Variants in UBR1 observed in about 807,000 individuals in gnomAD.
UBR1 encodes the protein ubiquitin protein ligase E3 component n-recognin 1, also known as E3 ubiquitin-protein ligase UBR1.
Under a neutral mutation model 242.1 loss-of-function variants are expected in UBR1, and 102 were observed. The ratio of observed to expected loss-of-function variants is 0.42; its 90% CI spans 0.36 to 0.50. The LOEUF (loss-of-function observed/expected upper bound fraction) is 0.50. Ranked by LOEUF, UBR1 falls within the 20% of genes least tolerant of loss-of-function variation. The probability of loss-of-function intolerance (pLI) is 0.01; values close to 1 mark genes in which losing one functional copy is unlikely to be tolerated. For synonymous variants in UBR1, 675 were observed against 684.8 expected (o/e 0.99, Z 0.22); for missense variants, 1,772 against 2,101.8 (o/e 0.84, Z 3.07).
At chr15:43,010,630 TG>T (rs1285551414) in intron 29 of UBR1, among the ~76,000 whole-genome samples, 2 of 152,006 alleles carry the variant, frequency 1.3e-5, no homozygotes, top group African/African-American at 4.8e-5. Context: ...GGTGCTCAAA[TG>T]GAACTTTAGC....
At chr15:43,070,749 C>T in intron 5 of UBR1, 46 bp downstream of exon 5, 2 of 1,608,700 alleles carry the variant, frequency 1.2e-6, no homozygotes, top group Non-Finnish European at 1.7e-6. Flanking sequence ...TTTTGCAATA[C>T]AAATAACCAT....
intron 20 of UBR1, among the ~76,000 whole-genome samples, chr15:43,031,457 A>G (rs1448162325): frequency 6.6e-6 from 1 of 152,246 alleles, no homozygotes; most frequent in Non-Finnish European, 1.5e-5. Flanking sequence ...AATCTTTTAC[A>G]CATTCTTAAT....
intron 25 of UBR1, 140 bp from the exon 26 acceptor site, chr15:43,022,941 C>G: frequency 1.8e-6 from 1 of 546,768 alleles, no homozygotes. Flanking sequence ...TAGCTTACTG[C>G]AGCCTTAAGC....
intron 27 of UBR1, 46 bp from the exon 28 acceptor site, chr15:43,017,227 G>T: frequency 7.6e-7 from 1 of 1,321,950 alleles, no homozygotes. Flanking sequence ...TAGACTGTTA[G>T]ACCGACCAGG....
chr15:43,052,854 G>T (rs543509641), intron 12 of UBR1, among the ~76,000 whole-genome samples: 1 of 152,282 alleles, frequency 6.6e-6, no homozygotes, highest in East Asian at 1.9e-4. Flanking sequence ...GAGGCTACAT[G>T]ACATAGTGAA....
In UBR1 at chr15:42,950,501, T is replaced by C. The variant is rs542164272; in HGVS notation, c.5007-138A>G. ...TAAAAAGACAATATAAACAGACAAA[T>C]AGACTAAATTATGTTTTGTCTAAAT... On this transcript the variant is annotated intron_variant, in intron 45 of 46. Coordinates refer to ENST00000290650, the MANE Select transcript of UBR1 (RefSeq NM_174916.3). The C allele has an allele frequency of 6.4e-5, 45 of 699,500 alleles. No individual in the cohort carries two copies. In the South Asian group the frequency reaches 7.2e-4, roughly 11 times the overall value. The allele number at this position is 699,500 out of a possible 1,614,324, so 43.3% of individuals were successfully genotyped here. A position where few individuals can be genotyped will look rare whatever the true frequency, so the allele number is the denominator to read the frequency against.
chr15:43,071,072 C>T (rs1299671710), intron 4 of UBR1, 147 bp from the exon 5 acceptor site: 9 of 1,155,252 alleles, frequency 7.8e-6, no homozygotes, highest in Non-Finnish European at 1.1e-5. Context: ...AAGAGGGTTG[C>T]TATATATTTA....
chr15:43,042,091 A>C (rs1326114255), intron 15 of UBR1, among the ~76,000 whole-genome samples: 1 of 152,196 alleles, frequency 6.6e-6, no homozygotes, highest in Non-Finnish European at 1.5e-5. Flanking sequence ...TGGGAATGTA[A>C]AATGGTACAG....
Position 42,945,390 on chromosome 15 carries a change from T to G in UBR1, c.5189A>C (p.Glu1730Ala), listed in dbSNP as rs1482743727. 1 of 1,614,184 alleles carries G rather than the reference T, an allele frequency of 6.2e-7. No individual in the cohort carries two copies. The highest frequency in any genetic ancestry group is 8.5e-7 in the Non-Finnish European group (1 of 1,180,022). The change falls in exon 47 of 47, where the codon GAG becomes GCG. Residue 1730 changes from glutamate to alanine, a missense_variant. Around this residue, in one of 3 missense-constraint regions of UBR1, gnomAD observed 965 missense variants for 1,079.7 expected, o/e 0.89. Coordinates refer to ENST00000290650, the MANE Select transcript of UBR1 (RefSeq NM_174916.3). The stretch of plus-strand genomic sequence containing the variant: ...ATTAGTCTCTTGGCTCCTAGCAATC[T>G]CTTCTATAATGCAGTGTTGTTGCCA... ...LVWQQHCIIE[E>A]IARSQETNQM... is the part of the protein sequence containing the mutation.
chr15:43,043,499 T>C lies in UBR1; in HGVS notation c.1669-104A>G, dbSNP rs1436910365. 6 of 1,081,586 alleles carry C rather than the reference T, an allele frequency of 5.5e-6. No homozygotes were observed. In the East Asian group the frequency reaches 1.0e-4, roughly 18 times the overall value. The allele number at this position is 1,081,586 out of a possible 1,614,324, so 67.0% of individuals were successfully genotyped here. The stretch of plus-strand genomic sequence containing the variant: ...TCCTGTGGCCTAGGCTGGAGTACAG[T>C]GGCATAATCACAGCTCACTGCAGCC... On this transcript the variant is annotated intron_variant, in intron 14 of 46. Coordinates refer to ENST00000290650, the MANE Select transcript of UBR1 (RefSeq NM_174916.3).
chr15:43,038,317 G>A lies in UBR1; in HGVS notation c.1850-85C>T, dbSNP rs144973631. On this transcript the variant is annotated intron_variant, in intron 15 of 46. Transcript: ENST00000290650. Reference sequence around the variant, plus strand: ...ACTCATCAAGTTTAGAAACTTGTGCGATTTGATTTGGCTGGGCGCGGTGGC... The same window carrying A: ...ACTCATCAAGTTTAGAAACTTGTGCAATTTGATTTGGCTGGGCGCGGTGGC... 326 of 1,392,896 alleles carry A rather than the reference G, an allele frequency of 2.3e-4. 1 individual carries two copies. In the African/African-American group the frequency reaches 3.7e-3, roughly 16 times the overall value. 86.3% of individuals were successfully genotyped at this position (1,392,896 alleles called of 1,614,324 possible).
intron 19 of UBR1, among the ~76,000 whole-genome samples, chr15:43,034,723 T>C (rs1421200571): frequency 6.6e-6 from 1 of 151,638 alleles, no homozygotes; most frequent in African/African-American, 2.4e-5. Flanking sequence ...CTGTCTCTAC[T>C]AAAAATACAA....
intron 29 of UBR1, among the ~76,000 whole-genome samples, chr15:43,011,348 A>G (rs931246440): frequency 3.3e-5 from 5 of 152,218 alleles, no homozygotes; most frequent in African/African-American, 1.2e-4. Flanking sequence ...CCCCATAATT[A>G]ATGTTAAAGA....
chr15:43,026,343 A>T, intron 23 of UBR1: 1 of 474,600 alleles, frequency 2.1e-6, no homozygotes. Context: ...TCCTCTTCCC[A>T]AAACAGCTAT....
In UBR1 at chr15:43,016,945, G is replaced by A. The variant is rs2033033612; in HGVS notation, c.3027+150C>T. The A allele has an allele frequency of 7.6e-6, 5 of 660,080 alleles. No individual in the cohort carries two copies. The East Asian group carries it at 1.4e-4, about 18-fold the overall frequency. 40.9% of individuals were successfully genotyped at this position (660,080 alleles called of 1,614,324 possible). ...ACGTACCATTAATCTCCACAATATA[G>A]AAGCATAATGAATAAAAGATGGACA... On this transcript the variant is annotated intron_variant, in intron 28 of 46. Coordinates refer to ENST00000290650, the MANE Select transcript of UBR1 (RefSeq NM_174916.3).
intron 27 of UBR1, among the ~76,000 whole-genome samples, chr15:43,019,645 C>T (rs556812780): frequency 2.3e-4 from 32 of 139,050 alleles, no homozygotes; most frequent in South Asian, 6.9e-4. Flanking sequence ...TGCAGTGGTG[C>T]GATCTCGGCT....
chr15:43,064,603 A>C (rs1044649443), intron 6 of UBR1, among the ~76,000 whole-genome samples: 2 of 149,450 alleles, frequency 1.3e-5, no homozygotes, highest in Non-Finnish European at 3.0e-5. Context: ...TTGAGATAGA[A>C]TCTCGCTCCG....
chr15:43,059,663 T>C (rs1040219799), intron 8 of UBR1, 39 bp downstream of exon 8: 21 of 1,612,676 alleles, frequency 1.3e-5, no homozygotes, highest in Non-Finnish European at 1.6e-5. Flanking sequence ...AAACACATAG[T>C]ATTTTATCAG....
At chr15:42,960,950 G>A (rs1046923318) in intron 42 of UBR1, among the ~76,000 whole-genome samples, 1 of 151,916 alleles carries the variant, frequency 6.6e-6, no homozygotes, top group Non-Finnish European at 1.5e-5. Flanking sequence ...TAGCAGAGAC[G>A]AGGTTTCCCA....
Sources: gnomAD v4.1 joint callset for allele counts (sites outside exome capture counted in the v4.1 genomes callset) on GRCh38, gnomAD v4.1.1 for gene constraint, gnomAD v4.1.1 regional missense constraint, MANE v1.5 for transcripts, NCBI Gene and HGNC (gene_info 2026-07-23, HGNC 2026-07-21) for gene names.